The following IFT172 variants were observed in gnomAD, a reference collection of about 807,000 sequenced individuals.
IFT172 encodes the protein intraflagellar transport protein 172 homolog.
A neutral mutation model predicts 248.9 loss-of-function variants in IFT172; 164 were observed. The observed-to-expected ratio is 0.66, with a 90% confidence interval of 0.58 to 0.75. The LOEUF (loss-of-function observed/expected upper bound fraction) is 0.75, where lower values mean the gene tolerates loss of function less well. IFT172 is among the 30% of genes least tolerant of loss of function. The pLI is 0.00. For missense variants in IFT172, 1,950 were observed against 2,192.4 expected, an observed-to-expected ratio of 0.89 and a Z score of 2.21; for synonymous variants, 729 against 791.6, an observed-to-expected ratio of 0.92 and a Z score of 1.33.
At chr2:27,463,205 T>C in intron 18 of IFT172, 24 bp from the exon 19 acceptor site, 1 of 1,585,738 alleles carries the variant, frequency 6.3e-7, no homozygotes, top group Non-Finnish European at 8.7e-7. Context: ...GCAATAACAT[T>C]AATAGTAATA....
chr2:27,469,632 G>A (rs1408036490), intron 16 of IFT172, among the ~76,000 whole-genome samples: 2 of 152,178 alleles, frequency 1.3e-5, no homozygotes, highest in South Asian at 2.1e-4. Context: ...AGGAATTCGA[G>A]ATCAGTCTGG....
intron 15 of IFT172, 100 bp downstream of exon 15, chr2:27,472,150 G>C (rs1667617325): frequency 1.2e-6 from 1 of 818,870 alleles, no homozygotes; most frequent in Non-Finnish European, 2.2e-6. Context: ...ACACAGCAAA[G>C]ACAATGTGCT....
chr2:27,459,484 C>A lies in IFT172; in HGVS notation c.2681G>T (p.Arg894Leu). ...TATATAAATTGCCTTCTTCCACTGG[C>A]GGGCACCCAGGGCGGCCTCAATTGC... ...IKAIEAALGA[R>L]QWKKAIYILD... The change falls in exon 25 of 48, where the codon CGC (arginine) becomes CTC (leucine). Residue 894 changes from arginine (R) to leucine (L), a missense_variant. Arg to Leu is a moderately radical substitution (Grantham distance 102, BLOSUM62 -2). This residue lies in a region of IFT172 where 1,166 missense variants were observed against 1,254.1 expected (regional missense o/e 0.93). Coordinates refer to ENST00000260570, the MANE Select transcript of IFT172 (RefSeq NM_015662.3). 1 of 1,614,180 alleles carries A rather than the reference C, an allele frequency of 6.2e-7. No individual in the cohort carries two copies. Among genetic ancestry groups the A allele is most frequent in the Non-Finnish European group, 8.5e-7 (1 of 1,180,034 alleles).
rs1393583850 is a variant in IFT172 at position 27,461,473 on chromosome 2, C to T, written c.2238G>A (p.Trp746Ter). Residue 746 changes from tryptophan (W) to a stop codon, truncating the protein, a stop_gained, in exon 22 of 48, where the codon TGG (tryptophan) becomes TGA (stop). Coordinates refer to ENST00000260570, the MANE Select transcript of IFT172 (RefSeq NM_015662.3). LOFTEE classifies it high-confidence loss of function. ...LEKLRRSYYQ[W>*]LMDTQQEERA... ...GCTCCTCTTGCTGTGTGTCCATCAG[C>T]CACTGGTAGTAACTACGACGTAGCT... 9.3e-6 allele frequency: 15 copies of T among 1,614,014 alleles called. No individual in the cohort carries two copies. Among genetic ancestry groups the T allele is most frequent in the Non-Finnish European group, 1.2e-5 (14 of 1,180,016 alleles).
chr2:27,457,805 G>A, intron 28 of IFT172, 36 bp downstream of exon 28: 1 of 1,614,128 alleles, frequency 6.2e-7, no homozygotes, highest in Non-Finnish European at 8.5e-7. Context: ...GAGCCTGGTT[G>A]GGGAAGAGAT....
At chr2:27,455,277 T>C (rs1666059542) in intron 30 of IFT172, 1 of 345,516 alleles carries the variant, frequency 2.9e-6, no homozygotes, top group African/African-American at 2.2e-5. Flanking sequence ...CTAATTGTGA[T>C]GCTGAAGTAT....
rs370330217 is a variant in IFT172 at position 27,480,062 on chromosome 2, G to A, written c.873C>T (p.Ala291=). The change falls in exon 9 of 48, where the codon GCC becomes GCT. Residue 291 remains alanine, a synonymous_variant. Transcript: ENST00000260570. ...KEITNLYTIT[A]LAWKRDGSRL... ...GTGAGCCATCCCGCTTCCAGGCCAA[G>A]GCAGTGATGGTGTATAAATTGGTAA... 1.2e-6 allele frequency: 2 copies of A among 1,613,798 alleles called. No individual in the cohort carries two copies. The highest frequency in any genetic ancestry group is 8.5e-7 in the Non-Finnish European group (1 of 1,179,884).
chr2:27,478,024 C>T lies in IFT172; in HGVS notation c.1138G>A (p.Gly380Arg). Reference sequence around the variant, plus strand: ...CTAAGCCGATTAGTGTTCAGGTCCCCCAGCAGCAGTGTTTCTGATGTGTGA... The same window carrying T: ...CTAAGCCGATTAGTGTTCAGGTCCCTCAGCAGCAGTGTTTCTGATGTGTGA... Reference protein sequence around the residue: ...VAHTSETLLLGDLNTNRLSEI... With the variant: ...VAHTSETLLLRDLNTNRLSEI... The change falls in exon 11 of 48, where the codon GGG becomes AGG. Residue 380 changes from glycine to arginine, a missense_variant. Physicochemically the swap from Gly to Arg is moderately radical, Grantham distance 125. This residue lies in a region of IFT172 where 1,166 missense variants were observed against 1,254.1 expected (regional missense o/e 0.93). Transcript: ENST00000260570. 1 of 1,614,162 alleles carries T rather than the reference C, an allele frequency of 6.2e-7. No individual in the cohort carries two copies. Among genetic ancestry groups the T allele is most frequent in the Non-Finnish European group, 8.5e-7 (1 of 1,180,028 alleles).
intron 23 of IFT172, 29 bp from the exon 24 acceptor site, chr2:27,459,858 C>T: frequency 6.2e-7 from 1 of 1,606,094 alleles, no homozygotes; most frequent in South Asian, 1.1e-5. Context: ...ATGCTCAGCC[C>T]AGATTTCCAG....
intron 12 of IFT172, 64 bp downstream of exon 12, chr2:27,477,495 T>A (rs375389329): frequency 1.5e-6 from 2 of 1,334,570 alleles, no homozygotes; most frequent in Non-Finnish European, 2.2e-6. Flanking sequence ...ACTTGCCATC[T>A]TTATGACACA....
At chr2:27,464,907 C>T (rs965869172) in intron 18 of IFT172, among the ~76,000 whole-genome samples, 7 of 149,140 alleles carry the variant, frequency 4.7e-5, no homozygotes, top group African/African-American at 1.8e-4. Context: ...CATGAGCCGC[C>T]GTGCCCAGCC....
At position 27,456,746 on chromosome 2, in the gene IFT172, T is replaced by C; in HGVS notation, c.3229-93A>G. 7 of 1,511,200 alleles carry C rather than the reference T, an allele frequency of 4.6e-6. No individual in the cohort carries two copies. The South Asian group carries it at 9.1e-5, about 20-fold the overall frequency. The allele number at this position is 1,511,200 out of a possible 1,614,324, so 93.6% of individuals were successfully genotyped here. ...TTTGACAAGGATCCAGTAACTGTTC[T>C]AAATTGAACAGGAAGAGGCTGGGTG... is the stretch of plus-strand genomic sequence containing the variant. On this transcript the variant is annotated intron_variant, in intron 29 of 47. Coordinates refer to ENST00000260570, the MANE Select transcript of IFT172 (RefSeq NM_015662.3).
chr2:27,457,798 C>A (rs771758856), intron 28 of IFT172, 43 bp from the exon 29 acceptor site: 1 of 1,614,002 alleles, frequency 6.2e-7, no homozygotes. Context: ...GGAGATGGAG[C>A]CTGGTTGGGG....
chr2:27,463,278 G>A, intron 18 of IFT172, 97 bp from the exon 19 acceptor site: 1 of 1,159,280 alleles, frequency 8.6e-7, no homozygotes, highest in Non-Finnish European at 1.2e-6. Flanking sequence ...CATCTATGAT[G>A]TGCCAGCCAA....
intron 35 of IFT172, among the ~76,000 whole-genome samples, chr2:27,451,834 G>A (rs1189774108): frequency 6.6e-6 from 1 of 151,928 alleles, no homozygotes; most frequent in Non-Finnish European, 1.5e-5. Context: ...TTTTGCAGGG[G>A]CATCACCATA....
At position 27,457,899 on chromosome 2, in the gene IFT172, C is replaced by T. The variant is rs375879787; in HGVS notation, c.3053G>A (p.Arg1018His). Residue 1018 changes from arginine to histidine, a missense_variant, in exon 28 of 48, where the codon CGC (arginine) becomes CAC (histidine). This residue lies in a region of IFT172 where 164 missense variants were observed against 239.3 expected (regional missense o/e 0.69). Coordinates refer to ENST00000260570, the MANE Select transcript of IFT172 (RefSeq NM_015662.3). The part of the protein sequence containing the change: ...KKHKLYDDMI[R>H]LVGKHHPDLL... ...ATCTGGATGGTGCTTCCCTACCAGG[C>T]GGATCATGTCATCATACAACTTGTG... 98 of 1,614,040 alleles carry T rather than the reference C, an allele frequency of 6.1e-5. No homozygotes were observed. The highest frequency in any genetic ancestry group is 7.8e-5 in the Non-Finnish European group (92 of 1,180,034).
At chr2:27,453,302 G>C in intron 35 of IFT172, 82 bp downstream of exon 35, 1 of 1,521,652 alleles carries the variant, frequency 6.6e-7, no homozygotes, top group Non-Finnish European at 9.1e-7. Flanking sequence ...CAAGAGGAAA[G>C]AGCTGAAGAT....
At chr2:27,466,528 A>G (rs1476011439) in intron 16 of IFT172, among the ~76,000 whole-genome samples, 1 of 152,200 alleles carries the variant, frequency 6.6e-6, no homozygotes, top group Non-Finnish European at 1.5e-5. Context: ...ATTCCTGCAG[A>G]AGCAAGACCG....
chr2:27,458,244 G>A (rs1344680971), intron 26 of IFT172, 21 bp from the exon 27 acceptor site: 1 of 1,602,478 alleles, frequency 6.2e-7, no homozygotes, highest in Non-Finnish European at 8.6e-7. Context: ...ACAGAGGCAA[G>A]GCAGCCTCAG....
Sources: gnomAD v4.1 joint callset for allele counts (sites outside exome capture counted in the v4.1 genomes callset) on GRCh38, gnomAD v4.1.1 for gene constraint, gnomAD v4.1.1 regional missense constraint, MANE v1.5 for transcripts, NCBI Gene and HGNC (gene_info 2026-07-23, HGNC 2026-07-21) for gene names.